Variants in DOCK3 observed in about 807,000 individuals in gnomAD.
DOCK3 encodes dedicator of cytokinesis 3.
DOCK3 carries 60 observed loss-of-function variants against 265.6 expected under a neutral mutation model. The observed-to-expected ratio is 0.23, with a 90% CI of 0.18 to 0.28. DOCK3 has a LOEUF of 0.28. DOCK3 is among the 10% of genes least tolerant of loss of function. The pLI is 1.00. For synonymous variants in DOCK3, 881 were observed against 938.0 expected (o/e 0.94, Z 1.11); for missense variants, 1,981 against 2,594.3 (o/e 0.76, Z 5.14).
chr3:50,753,733 C>T (rs2039982063), intron 1 of DOCK3, among the ~76,000 whole-genome samples: 1 of 152,112 alleles, frequency 6.6e-6, no homozygotes, highest in Non-Finnish European at 1.5e-5. Flanking sequence ...TTAGAGTCTT[C>T]TCTTGTTATT....
Position 51,236,405 on chromosome 3 carries a change from G to A in DOCK3, c.1978G>A (p.Gly660Ser), listed in dbSNP as rs1333910032. 8.7e-6 allele frequency: 14 copies of A among 1,610,286 alleles called. No individual in the cohort carries two copies. The highest frequency in any genetic ancestry group is 4.0e-5 in the African/African-American group (3 of 74,634). ...TTTGGATGATAATACAGAGAAGTACGGCCTGTTGGTTTTTCAGTCTCTGGT... is the reference window on the plus strand; with the variant it reads ...TTTGGATGATAATACAGAGAAGTACAGCCTGTTGGTTTTTCAGTCTCTGGT... ...VILDDNTEKYGLLVFQSLVFI... is the reference protein window; with the variant it reads ...VILDDNTEKYSLLVFQSLVFI... The change falls in exon 20 of 53, where the codon GGC becomes AGC. Residue 660 changes from glycine (G) to serine (S), a missense_variant. Gly to Ser is a moderately conservative substitution (Grantham distance 56, BLOSUM62 0). Around this residue, in one of 4 missense-constraint regions of DOCK3, gnomAD observed 1,357 missense variants for 1,866.8 expected, o/e 0.73. Coordinates refer to ENST00000266037, the MANE Select transcript of DOCK3 (RefSeq NM_004947.5).
chr3:50,955,381 A>C (rs2076702072), intron 5 of DOCK3, among the ~76,000 whole-genome samples: 1 of 152,204 alleles, frequency 6.6e-6, no homozygotes, highest in Non-Finnish European at 1.5e-5. Context: ...AGACACATGC[A>C]CACAAATGTT....
At chr3:51,260,379 G>C (rs1483323384) in intron 23 of DOCK3, 53 bp downstream of exon 23, 1 of 1,532,384 alleles carries the variant, frequency 6.5e-7, no homozygotes, top group Non-Finnish European at 8.8e-7. Context: ...CTCAGTGGGT[G>C]GTTTCTTTGT....
chr3:50,784,993 C>T (rs1287292335), intron 2 of DOCK3, among the ~76,000 whole-genome samples: 2 of 152,122 alleles, frequency 1.3e-5, no homozygotes, highest in African/African-American at 4.8e-5. Context: ...GCTGTCTCTA[C>T]TAAAAATACA....
chr3:51,282,049 G>A (rs1409864424), intron 27 of DOCK3, among the ~76,000 whole-genome samples: 2 of 152,158 alleles, frequency 1.3e-5, no homozygotes, highest in African/African-American at 4.8e-5. Context: ...TCACCCTACT[G>A]CTGTGTCTGG....
In DOCK3 at chr3:51,127,994, C is replaced by G. The variant is rs995236452; in HGVS notation, c.747-18555C>G. Among the ~76,000 whole-genome samples, 4 of 152,200 alleles carry G rather than the reference C, an allele frequency of 2.6e-5. No individual in the cohort carries two copies. The East Asian group carries it at 7.7e-4, about 29-fold the overall frequency. ...CTGATTTCATCTTGATAGTCCAGGT[C>G]AGTCACCTCAACCAACACTGTAACT... is the stretch of plus-strand genomic sequence containing the variant. On this transcript the variant is annotated intron_variant, in intron 9 of 52. Transcript: ENST00000266037.
intron 2 of DOCK3, among the ~76,000 whole-genome samples, chr3:50,836,513 C>A (rs1327135318): frequency 1.3e-5 from 2 of 152,188 alleles, no homozygotes; most frequent in East Asian, 3.9e-4. Flanking sequence ...ATGGCTGGAG[C>A]TGAAGAAGCT....
intron 5 of DOCK3, among the ~76,000 whole-genome samples, chr3:51,044,973 A>G (rs2109062190): frequency 1.3e-5 from 2 of 152,192 alleles, no homozygotes; most frequent in South Asian, 4.2e-4. Context: ...TTTTTTTTAT[A>G]TTAGTAATGA....
At chr3:51,224,592 G>A (rs1385821382) in intron 14 of DOCK3, among the ~76,000 whole-genome samples, 1 of 152,130 alleles carries the variant, frequency 6.6e-6, no homozygotes, top group African/African-American at 2.4e-5. Context: ...AAATTACCTG[G>A]TTTCTGAATT....
chr3:51,355,485 G>A (rs2086303706), intron 41 of DOCK3, among the ~76,000 whole-genome samples: 1 of 152,232 alleles, frequency 6.6e-6, no homozygotes, highest in Non-Finnish European at 1.5e-5. Context: ...CCAAGGATGT[G>A]TGGAGCAGGA....
chr3:51,267,829 A>G (rs963498088), intron 23 of DOCK3, among the ~76,000 whole-genome samples: 1 of 152,230 alleles, frequency 6.6e-6, no homozygotes, highest in Admixed American at 6.5e-5. Flanking sequence ...GGATGAGTTT[A>G]TGTCCTTTGC....
intron 1 of DOCK3, among the ~76,000 whole-genome samples, chr3:50,738,607 A>G (rs1168550627): frequency 6.6e-6 from 1 of 152,180 alleles, no homozygotes; most frequent in Non-Finnish European, 1.5e-5. Flanking sequence ...GTAGGTTATA[A>G]AGGAAAAAGA....
intron 2 of DOCK3, among the ~76,000 whole-genome samples, chr3:50,816,848 C>A (rs1307409065): frequency 6.6e-6 from 1 of 152,022 alleles, no homozygotes; most frequent in African/African-American, 2.4e-5. Flanking sequence ...GTCACCCAGG[C>A]TGGAGTGCAG....
intron 2 of DOCK3, among the ~76,000 whole-genome samples, chr3:50,820,569 CACCATTGATGGGA>C (rs2106908661): frequency 6.6e-6 from 1 of 152,260 alleles, no homozygotes; most frequent in Admixed American, 6.5e-5. Context: ...TTATCCAATC[CACCATTGATGGGA>C]ACCCAGGCTG....
intron 35 of DOCK3, chr3:51,337,038 A>G: frequency 2.6e-6 from 1 of 388,028 alleles, no homozygotes; most frequent in Non-Finnish European, 5.1e-6. Context: ...TGCTAGCGCT[A>G]AAGGGACAGG....
intron 7 of DOCK3, among the ~76,000 whole-genome samples, chr3:51,076,979 A>G (rs761672231): frequency 6.6e-6 from 1 of 152,168 alleles, no homozygotes; most frequent in African/African-American, 2.4e-5. Flanking sequence ...ATTAGAGTCT[A>G]TCGAGTAGTC....
rs184886480 is a variant in DOCK3, at chr3:50,778,646, A to G, written c.38-29A>G. 1,973 of 1,530,348 alleles carry G rather than the reference A, an allele frequency of 1.3e-3. 5 individuals carry two copies. Among genetic ancestry groups the G allele is most frequent in the Non-Finnish European group, 1.5e-3 (1,725 of 1,124,020 alleles). 94.8% of individuals were successfully genotyped at this position (1,530,348 alleles called of 1,614,324 possible). A position where few individuals can be genotyped will look rare whatever the true frequency, so the allele number is the denominator to read the frequency against. On this transcript the variant is annotated intron_variant, in intron 1 of 52. Transcript: ENST00000266037. ...CCATGTCTCAGTGTTTAAAAATGCT[A>G]ATTGGTGTGTTTATCCTTGCTTTTC...
chr3:50,697,792 CT>C (rs1379532609), intron 1 of DOCK3, among the ~76,000 whole-genome samples: 1 of 152,030 alleles, frequency 6.6e-6, no homozygotes, highest in Non-Finnish European at 1.5e-5. Context: ...TTTTAAATTT[CT>C]TCTGTGATGG....
chr3:50,848,748 G>T (rs2046213658), intron 3 of DOCK3, among the ~76,000 whole-genome samples: 1 of 152,122 alleles, frequency 6.6e-6, no homozygotes, highest in Non-Finnish European at 1.5e-5. Context: ...ACCTTGTTCA[G>T]TCTTATGGAC....
Sources: allele counts gnomAD v4.1 joint callset (sites outside exome capture counted in the v4.1 genomes callset), GRCh38; gene constraint gnomAD v4.1.1; regional missense constraint gnomAD v4.1.1; transcripts MANE v1.5; gene names NCBI Gene and HGNC (gene_info 2026-07-23, HGNC 2026-07-21).